Variants in PLEKHA6 observed in about 807,000 individuals in gnomAD.
The protein encoded by PLEKHA6 is pleckstrin homology domain-containing family A member 6.
Under a neutral mutation model 116.7 loss-of-function variants are expected in PLEKHA6, and 60 were observed. That is an observed-to-expected ratio of 0.51 (90% CI 0.42 to 0.64). The LOEUF (loss-of-function observed/expected upper bound fraction) is 0.64. Among genes scored for constraint, PLEKHA6 ranks in the 30% least tolerant of loss-of-function variants. The probability of loss-of-function intolerance (pLI) is 0.00; values close to 1 mark genes in which losing one functional copy is unlikely to be tolerated. For synonymous variants in PLEKHA6, 489 were observed against 556.1 expected (o/e 0.88, Z 1.70); for missense variants, 1,338 against 1,422.7 (o/e 0.94, Z 0.96).
intron 3 of PLEKHA6, among the ~76,000 whole-genome samples, chr1:204,366,255 G>A (rs897971824): frequency 1.3e-5 from 2 of 152,170 alleles, no homozygotes; most frequent in Non-Finnish European, 2.9e-5. Context: ...CTTAACTGAA[G>A]CAAGAAGCAT....
intron 21 of PLEKHA6, among the ~76,000 whole-genome samples, chr1:204,225,678 A>G (rs1285576650): frequency 6.6e-6 from 1 of 152,250 alleles, no homozygotes; most frequent in Non-Finnish European, 1.5e-5. Flanking sequence ...ATACATGTAC[A>G]TTTATGCTCC....
At chr1:204,372,754 A>C (rs1375506850) in intron 1 of PLEKHA6, among the ~76,000 whole-genome samples, 1 of 150,220 alleles carries the variant, frequency 6.7e-6, no homozygotes, top group African/African-American at 2.5e-5. Flanking sequence ...TCCCACCCCC[A>C]ACCCCAAGCT....
chr1:204,287,961 C>T (rs1339605791), intron 1 of PLEKHA6, among the ~76,000 whole-genome samples: 7 of 152,190 alleles, frequency 4.6e-5, no homozygotes, highest in African/African-American at 1.7e-4. Context: ...AGTAATGATA[C>T]TGGAATCTGG....
At position 204,252,084 on chromosome 1, in the gene PLEKHA6, C is replaced by G. The variant is rs532757321; in HGVS notation, c.1525-1470G>C. Among the ~76,000 whole-genome samples the G allele has an allele frequency of 8.2e-4, 125 of 151,600 alleles. 1 individual carries two copies. Among genetic ancestry groups the G allele is most frequent in the South Asian group, 2.9e-3 (14 of 4,754 alleles). ...CGCCACAGATACAGAGGCCTGCCCC[C>G]TCTCCCTGCCCCTGCCCCTCCCCAC... On this transcript the variant is annotated intron_variant, in intron 9 of 22. Transcript: ENST00000272203.
intron 1 of PLEKHA6, chr1:204,301,175 G>A: frequency 2.3e-6 from 2 of 879,790 alleles, no homozygotes; most frequent in Non-Finnish European, 2.7e-6. Flanking sequence ...AGATAATGAA[G>A]TATAGAGCTA....
At chr1:204,315,526 C>A (rs911316014) in intron 1 of PLEKHA6, among the ~76,000 whole-genome samples, 8 of 152,138 alleles carry the variant, frequency 5.3e-5, no homozygotes, top group Non-Finnish European at 1.2e-4. Context: ...CAGGTGGACA[C>A]CGTGTTAGGG....
rs565138252 is a variant in PLEKHA6 at position 204,316,424 on chromosome 1, G to A, written c.-94-41615C>T. Among the ~76,000 whole-genome samples, 39 of 152,258 alleles carry A rather than the reference G, an allele frequency of 2.6e-4. 1 individual carries two copies. Among genetic ancestry groups the A allele is most frequent in the African/African-American group, 7.9e-4 (33 of 41,540 alleles). On this transcript the variant is annotated intron_variant, in intron 1 of 22. Transcript: ENST00000272203. ...TGCAGGCCGCTCAGAATAGGGACAC[G>A]GGAGAAATGCTTTCAATGGGTGAGT...
chr1:204,348,719 C>T lies in PLEKHA6; in HGVS notation c.-95+10975G>A, dbSNP rs527528100. Among the ~76,000 whole-genome samples, 36 of 151,468 alleles carry T rather than the reference C, an allele frequency of 2.4e-4. 2 individuals carry two copies. In the South Asian group the frequency reaches 6.9e-3, roughly 29 times the overall value. ...ACTCAGCCCCCAGGTGCCAAACCCCCCCCCCGCCATCTCCCCCACCCTGCT... is the reference window on the plus strand; with the variant it reads ...ACTCAGCCCCCAGGTGCCAAACCCCTCCCCCGCCATCTCCCCCACCCTGCT... On this transcript the variant is annotated intron_variant, in intron 1 of 22. Transcript: ENST00000272203.
At chr1:204,276,845 A>G (rs1380644598) in intron 1 of PLEKHA6, among the ~76,000 whole-genome samples, 3 of 152,130 alleles carry the variant, frequency 2.0e-5, no homozygotes, top group African/African-American at 7.2e-5. Flanking sequence ...AAGCACTGCA[A>G]TGCAGCAACC....
At chr1:204,323,087 T>A (rs1672121784) in intron 1 of PLEKHA6, among the ~76,000 whole-genome samples, 1 of 152,216 alleles carries the variant, frequency 6.6e-6, no homozygotes, top group Non-Finnish European at 1.5e-5. Context: ...TTGCTAAGGG[T>A]CTACAGCTAT....
At chr1:204,352,481 C>G (rs1673311495) in intron 1 of PLEKHA6, among the ~76,000 whole-genome samples, 1 of 152,178 alleles carries the variant, frequency 6.6e-6, no homozygotes, top group Non-Finnish European at 1.5e-5. Flanking sequence ...ACTTCAGTCT[C>G]CTAACAGGAT....
intron 1 of PLEKHA6, chr1:204,281,010 G>T: frequency 1.0e-6 from 1 of 984,498 alleles, no homozygotes; most frequent in East Asian, 1.1e-4. Context: ...ATTTGCAGGT[G>T]GGAAGGAACC....
chr1:204,286,346 G>C (rs1300789364), intron 1 of PLEKHA6, among the ~76,000 whole-genome samples: 1 of 151,986 alleles, frequency 6.6e-6, no homozygotes, highest in South Asian at 2.1e-4. Context: ...TCCCACCCCT[G>C]TCCTGCCACG....
intron 9 of PLEKHA6, among the ~76,000 whole-genome samples, chr1:204,255,069 T>C (rs1665093602): frequency 1.3e-5 from 2 of 152,158 alleles, no homozygotes; most frequent in East Asian, 1.9e-4. Context: ...TTGCACTGAA[T>C]TCTCAGGAAT....
intron 1 of PLEKHA6, chr1:204,307,718 C>G (rs745829368): frequency 1.9e-5 from 4 of 213,984 alleles, no homozygotes; most frequent in East Asian, 1.8e-4. Context: ...AAACATCAGA[C>G]AGCCCTCTAG....
chr1:204,275,978 G>T (rs1057055680), intron 1 of PLEKHA6, among the ~76,000 whole-genome samples: 4 of 152,210 alleles, frequency 2.6e-5, no homozygotes, highest in Non-Finnish European at 5.9e-5. Context: ...CAAGTGGCAG[G>T]TCAGCCAGCA....
chr1:204,310,439 G>C (rs1410588914), intron 1 of PLEKHA6, among the ~76,000 whole-genome samples: 1 of 152,122 alleles, frequency 6.6e-6, no homozygotes, highest in Non-Finnish European at 1.5e-5. Context: ...AGTCAGATCT[G>C]AAATCCACTG....
chr1:204,292,036 A>C (rs76865215), intron 1 of PLEKHA6, among the ~76,000 whole-genome samples: 1,717 of 152,260 alleles, frequency 0.011, 35 homozygotes, highest in African/African-American at 0.04. Context: ...ATGGTTTCCT[A>C]CTGACCTGCT....
intron 1 of PLEKHA6, among the ~76,000 whole-genome samples, chr1:204,311,079 C>T (rs1472334297): frequency 6.6e-6 from 1 of 152,188 alleles, no homozygotes; most frequent in Non-Finnish European, 1.5e-5. Flanking sequence ...GCCCTCCCAG[C>T]CGGTGCAGGA....
Sources: allele counts gnomAD v4.1 joint callset (sites outside exome capture counted in the v4.1 genomes callset), GRCh38; gene constraint gnomAD v4.1.1; transcripts MANE v1.5; gene names NCBI Gene and HGNC (gene_info 2026-07-23, HGNC 2026-07-21).